Variants in CSMD2 observed in about 807,000 individuals in gnomAD.
CSMD2 encodes the protein CUB and Sushi multiple domains 2, also known as CUB and sushi domain-containing protein 2.
A neutral mutation model predicts 398.5 loss-of-function variants in CSMD2; 130 were observed. The observed-to-expected ratio is 0.33, with a 90% confidence interval of 0.28 to 0.38. The LOEUF (loss-of-function observed/expected upper bound fraction) is 0.38. CSMD2 is among the 10% of genes least tolerant of loss of function. CSMD2 has a pLI of 1.00. For synonymous variants in CSMD2, 1,828 were observed against 1,908.5 expected (o/e 0.96, Z 1.10); for missense variants, 3,829 against 4,764.9 (o/e 0.80, Z 5.78).
At chr1:33,579,494 G>A (rs1638539510) in intron 48 of CSMD2, among the ~76,000 whole-genome samples, 1 of 151,956 alleles carries the variant, frequency 6.6e-6, no homozygotes, top group Admixed American at 6.6e-5. Context: ...CCTTCTCCCA[G>A]GGGCCCTCAG....
intron 5 of CSMD2, among the ~76,000 whole-genome samples, chr1:33,850,587 C>T (rs1207066806): frequency 6.6e-6 from 1 of 152,142 alleles, no homozygotes; most frequent in Non-Finnish European, 1.5e-5. Flanking sequence ...ATTTTGCTCC[C>T]TCTTAGAATC....
intron 19 of CSMD2, among the ~76,000 whole-genome samples, chr1:33,719,319 T>C (rs531027109): frequency 6.6e-6 from 1 of 152,306 alleles, no homozygotes; most frequent in Admixed American, 6.5e-5. Context: ...TGGAAACAAG[T>C]TGATTAAGCA....
intron 2 of CSMD2, among the ~76,000 whole-genome samples, chr1:34,069,649 C>T (rs1277953943): frequency 6.6e-6 from 1 of 152,126 alleles, no homozygotes; most frequent in African/African-American, 2.4e-5. Context: ...CTCCAGTAAG[C>T]TCTAGAAATT....
chr1:34,052,551 AGAGTATCCTATAGGATCTATT>A (rs1188565756), intron 2 of CSMD2, among the ~76,000 whole-genome samples: 3 of 149,536 alleles, frequency 2.0e-5, no homozygotes, highest in African/African-American at 5.0e-5. Flanking sequence ...AAGAGGAGAG[AGAGTATCCTATAGGATCTATT>A]GAGTATCCTA....
intron 3 of CSMD2, among the ~76,000 whole-genome samples, chr1:34,001,741 C>T (rs1437151138): frequency 6.6e-6 from 1 of 152,106 alleles, no homozygotes; most frequent in Non-Finnish European, 1.5e-5. Context: ...ACTAAGATTA[C>T]ACAACCCTGA....
At chr1:33,523,555 T>G (rs1467619571) in intron 66 of CSMD2, 136 bp from the exon 67 acceptor site, 2 of 605,332 alleles carry the variant, frequency 3.3e-6, no homozygotes, top group African/African-American at 3.7e-5. Context: ...CCACATCCCT[T>G]TAAGTCGTAA....
intron 3 of CSMD2, among the ~76,000 whole-genome samples, chr1:34,004,328 G>A (rs573447708): frequency 5.9e-5 from 9 of 152,232 alleles, no homozygotes; most frequent in African/African-American, 1.7e-4. Flanking sequence ...ATTCCCTTTC[G>A]TGTTAAAATT....
At chr1:34,103,493 T>C (rs750773424) in intron 1 of CSMD2, among the ~76,000 whole-genome samples, 1 of 151,810 alleles carries the variant, frequency 6.6e-6, no homozygotes, top group Non-Finnish European at 1.5e-5. Flanking sequence ...AGAGACGGGG[T>C]TTCACCGTGT....
At chr1:34,075,314 C>CGT (rs1656205350) in intron 2 of CSMD2, among the ~76,000 whole-genome samples, 1 of 152,242 alleles carries the variant, frequency 6.6e-6, no homozygotes, top group Non-Finnish European at 1.5e-5. Context: ...GGAGAGCAGA[C>CGT]CCTTCAAGGA....
At chr1:33,720,995 T>C (rs1427690025) in intron 19 of CSMD2, among the ~76,000 whole-genome samples, 4 of 152,212 alleles carry the variant, frequency 2.6e-5, no homozygotes, top group Non-Finnish European at 5.9e-5. Flanking sequence ...CCACCGTGCC[T>C]GGCCTAGCGA....
Position 33,626,562 on chromosome 1 carries a change from G to A in CSMD2, c.5220C>T (p.Ala1740=), listed in dbSNP as rs751405235. The change falls in exon 33 of 71, where the codon GCC becomes GCT. Residue 1740 remains alanine, a synonymous_variant. Coordinates refer to ENST00000373381, the MANE Select transcript of CSMD2 (RefSeq NM_001281956.2). ...ACTTAATGAGAACTTGATTGGAGGT[G>A]GCCAAGGGCAGTGATTCTCCTGCCG... The part of the protein sequence containing the change: ...GSHTGESLPL[A]TSNQVLIKFS... 6.2e-7 allele frequency: 1 copy of A among 1,604,100 alleles called. No individual in the cohort carries two copies. Among genetic ancestry groups the A allele is most frequent in the South Asian group, 1.1e-5 (1 of 88,418 alleles).
At chr1:33,577,057 C>A (rs1052554784) in intron 49 of CSMD2, among the ~76,000 whole-genome samples, 3 of 152,212 alleles carry the variant, frequency 2.0e-5, no homozygotes, top group African/African-American at 7.2e-5. Flanking sequence ...TGATTATGCT[C>A]CTGACACGAC....
chr1:33,617,395 G>T, intron 38 of CSMD2, 104 bp downstream of exon 38: 2 of 822,412 alleles, frequency 2.4e-6, no homozygotes, highest in Admixed American at 3.7e-5. Context: ...GGGACCTGGG[G>T]GCTGCTCCCT....
intron 24 of CSMD2, among the ~76,000 whole-genome samples, chr1:33,697,643 T>C (rs930760210): frequency 6.6e-6 from 1 of 152,352 alleles, no homozygotes; most frequent in Non-Finnish European, 1.5e-5. Context: ...TGTTGGTGAA[T>C]TCTAATCCAT....
intron 5 of CSMD2, among the ~76,000 whole-genome samples, chr1:33,895,993 C>T (rs137864775): frequency 4.6e-5 from 7 of 152,296 alleles, no homozygotes; most frequent in East Asian, 1.9e-4. Flanking sequence ...CATCTCCCCA[C>T]GCTTCCCAGA....
At chr1:33,901,787 T>C (rs1376057189) in intron 5 of CSMD2, among the ~76,000 whole-genome samples, 9 of 152,238 alleles carry the variant, frequency 5.9e-5, no homozygotes, top group Admixed American at 5.9e-4. Context: ...TAGGAGTCAA[T>C]GTGCTTCATT....
chr1:33,672,240 C>T lies in CSMD2; in HGVS notation c.4053-9148G>A, dbSNP rs189007284. Among the ~76,000 whole-genome samples the T allele has an allele frequency of 3.8e-3, 583 of 152,332 alleles. 4 individuals carry two copies. Among genetic ancestry groups the T allele is most frequent in the African/African-American group, 0.013 (536 of 41,578 alleles). The stretch of plus-strand genomic sequence containing the variant: ...CCTAGTCAAAGAAAGGGGTGACAGA[C>T]GGCACCTGGAAAATCGGGTCACTCC... On this transcript the variant is annotated intron_variant, in intron 25 of 70. Transcript: ENST00000373381.
chr1:33,551,904 C>G (rs114829038), intron 55 of CSMD2, among the ~76,000 whole-genome samples: 1 of 152,062 alleles, frequency 6.6e-6, no homozygotes, highest in Admixed American at 6.5e-5. Context: ...GCAGAGACTA[C>G]GGAATGACAA....
chr1:33,548,488 G>A (rs1422952583), intron 56 of CSMD2, among the ~76,000 whole-genome samples: 1 of 152,186 alleles, frequency 6.6e-6, no homozygotes, highest in Non-Finnish European at 1.5e-5. Flanking sequence ...TATGACTCAA[G>A]GACTTAAGAG....
Sources: gnomAD v4.1 joint callset for allele counts (sites outside exome capture counted in the v4.1 genomes callset) on GRCh38, gnomAD v4.1.1 for gene constraint, MANE v1.5 for transcripts, NCBI Gene and HGNC (gene_info 2026-07-23, HGNC 2026-07-21) for gene names.